The following ST3GAL4 variants were observed in gnomAD, a reference collection of about 807,000 sequenced individuals.
ST3GAL4 encodes the protein CMP-N-acetylneuraminate-beta-galactosamide-alpha-2,3-sialyltransferase 4.
ST3GAL4 carries 24 observed loss-of-function variants against 42.6 expected under a neutral mutation model. The observed-to-expected ratio is 0.56, with a 90% CI of 0.41 to 0.79. The LOEUF (loss-of-function observed/expected upper bound fraction) is 0.79, where lower values mean the gene tolerates loss of function less well. Ranked by LOEUF, ST3GAL4 falls within the 30% of genes least tolerant of loss-of-function variation. ST3GAL4 has a pLI of 0.00. For missense variants in ST3GAL4, 311 were observed against 430.8 expected, an observed-to-expected ratio of 0.72 and a Z score of 2.46; for synonymous variants, 135 against 163.2, an observed-to-expected ratio of 0.83 and a Z score of 1.32.
At position 126,384,056 on chromosome 11, in the gene ST3GAL4, G is replaced by C. The variant is rs1411410895; in HGVS notation, c.-60-22040G>C. 6.6e-6 allele frequency among the ~76,000 whole-genome samples: 1 copy of C among 152,152 alleles called. No homozygotes were observed. Among genetic ancestry groups the C allele is most frequent in the Non-Finnish European group, 1.5e-5 (1 of 68,018 alleles). ...CCAATGCAGGGCCCTCTCCTCTGGC[G>C]AGCCTGCCTTGATACTCCCCGGCTC... On this transcript the variant is annotated intron_variant, in intron 1 of 10. Coordinates refer to ENST00000444328, the MANE Select transcript of ST3GAL4 (RefSeq NM_001254757.2). This position sits in a 1 kb window ranked among gnomAD's most constrained non-coding sequence, Gnocchi z 5.5.
chr11:126,373,753 C>T lies in ST3GAL4; in HGVS notation c.-61+17911C>T, dbSNP rs1952736995. 1.3e-5 allele frequency among the ~76,000 whole-genome samples: 2 copies of T among 152,048 alleles called. No homozygotes were observed. The highest frequency in any genetic ancestry group is 2.9e-5 in the Non-Finnish European group (2 of 68,014). On this transcript the variant is annotated intron_variant, in intron 1 of 10. Transcript: ENST00000444328. The surrounding 1 kb of genome is among the most constrained non-coding windows in gnomAD (Gnocchi z 5.5). ...ATGTTTCCATCCTCCCATGCATGAC[C>T]CTGAGGCAGTTAGCTGGTCAGTTAC...
chr11:126,388,660 G>GTTTT (rs10599019), intron 1 of ST3GAL4, among the ~76,000 whole-genome samples: 11 of 79,286 alleles, frequency 1.4e-4, no homozygotes, highest in African/African-American at 5.4e-4. Flanking sequence ...TAGGTTTCTT[G>GTTTT]TTTTTTTTTT....
rs368259930 is a variant in ST3GAL4, at chr11:126,374,778, A to G, written c.-61+18936A>G. ...GGGCTGAGGAGGAGTTTTACAGATG[A>G]CCGGTCTGTTCTTGGCACTTGCAAT... On this transcript the variant is annotated intron_variant, in intron 1 of 10. Coordinates refer to ENST00000444328, the MANE Select transcript of ST3GAL4 (RefSeq NM_001254757.2). Among the ~76,000 whole-genome samples, 18 of 151,966 alleles carry G rather than the reference A, an allele frequency of 1.2e-4. No individual in the cohort carries two copies. The East Asian group carries it at 1.9e-3, about 16-fold the overall frequency.
chr11:126,408,751 C>T, intron 8 of ST3GAL4: 1 of 541,164 alleles, frequency 1.8e-6, no homozygotes, highest in East Asian at 3.0e-5. Flanking sequence ...CCAGGCGTGT[C>T]TGTGACAGGA....
intron 1 of ST3GAL4, among the ~76,000 whole-genome samples, chr11:126,381,112 C>G: frequency 6.6e-6 from 1 of 152,212 alleles, no homozygotes; most frequent in East Asian, 1.9e-4. Context: ...TAGCCCAGAG[C>G]TGGCCTCTGT....
intron 4 of ST3GAL4, 104 bp from the exon 5 acceptor site, chr11:126,407,148 G>C: frequency 1.4e-6 from 2 of 1,480,136 alleles, no homozygotes; most frequent in East Asian, 2.3e-5. Flanking sequence ...GTGAAGCCAG[G>C]GAGGGAAGAG....
In ST3GAL4 at chr11:126,386,746, G is replaced by T. The variant is rs940301298; in HGVS notation, c.-60-19350G>T. Among the ~76,000 whole-genome samples the T allele has an allele frequency of 6.6e-6, 1 of 152,172 alleles. No homozygotes were observed. Among genetic ancestry groups the T allele is most frequent in the Admixed American group, 6.5e-5 (1 of 15,282 alleles). ...GGGTGGCTCTGCCAGCTTCCCCTGG[G>T]GTGCTTCTGGCAACGCCCAGGTCTG... On this transcript the variant is annotated intron_variant, in intron 1 of 10. Coordinates refer to ENST00000444328, the MANE Select transcript of ST3GAL4 (RefSeq NM_001254757.2). The surrounding 1 kb of genome is among the most constrained non-coding windows in gnomAD (Gnocchi z 4.7).
chr11:126,412,395 A>T (rs1457969837), intron 9 of ST3GAL4, among the ~76,000 whole-genome samples: 1 of 152,216 alleles, frequency 6.6e-6, no homozygotes, highest in African/African-American at 2.4e-5. Context: ...TGGGCAGCTG[A>T]AATTGTGTGC....
intron 1 of ST3GAL4, among the ~76,000 whole-genome samples, chr11:126,360,307 C>T (rs1176658945): frequency 3.3e-5 from 5 of 152,160 alleles, no homozygotes; most frequent in Admixed American, 2.0e-4. Flanking sequence ...TCTGGGCAGG[C>T]GAGGAGGCAG....
chr11:126,414,104 T>C lies in ST3GAL4; in HGVS notation c.*57T>C. Reference sequence around the variant, plus strand: ...TACTCTGCTGTCTGGGTGACCCCCATGCGTGGCTGTGGGGGTGGCTGGTGC... The same window carrying C: ...TACTCTGCTGTCTGGGTGACCCCCACGCGTGGCTGTGGGGGTGGCTGGTGC... On this transcript the variant is annotated 3_prime_UTR_variant, in exon 11 of 11. Coordinates refer to ENST00000444328, the MANE Select transcript of ST3GAL4 (RefSeq NM_001254757.2). The C allele has an allele frequency of 6.4e-7, 1 of 1,550,618 alleles. No individual in the cohort carries two copies. The highest frequency in any genetic ancestry group is 8.9e-7 in the Non-Finnish European group (1 of 1,122,254).
In ST3GAL4 at chr11:126,392,852, G is replaced by A. The variant is rs1953568945; in HGVS notation, c.-60-13244G>A. On this transcript the variant is annotated intron_variant, in intron 1 of 10. Coordinates refer to ENST00000444328, the MANE Select transcript of ST3GAL4 (RefSeq NM_001254757.2). This position sits in a 1 kb window ranked among gnomAD's most constrained non-coding sequence, Gnocchi z 5.8. ...ACTGGGTGGTCTGAACCCCATGCAG[G>A]GAGGAAACTGTGGCTGGGAGGAGAG... Among the ~76,000 whole-genome samples the A allele has an allele frequency of 1.3e-5, 2 of 152,266 alleles. No homozygotes were observed. Among genetic ancestry groups the A allele is most frequent in the South Asian group, 4.1e-4 (2 of 4,828 alleles).
rs963152006 is a variant in ST3GAL4, at chr11:126,413,329, G to A, written c.772-176G>A. On this transcript the variant is annotated intron_variant, in intron 9 of 10. Transcript: ENST00000444328. ...ATTAAAATTTAATAAAATAAATTCAGTTCCTCAGCTGCACTGGCCCCATTT... is the reference window on the plus strand; with the variant it reads ...ATTAAAATTTAATAAAATAAATTCAATTCCTCAGCTGCACTGGCCCCATTT... 2.2e-5 allele frequency: 13 copies of A among 587,290 alleles called. No individual in the cohort carries two copies. The Admixed American group carries it at 4.3e-4, about 19-fold the overall frequency. The allele number at this position is 587,290 out of a possible 1,614,324, so 36.4% of individuals were successfully genotyped here.
Position 126,395,254 on chromosome 11 carries a change from A to G in ST3GAL4, c.-60-10842A>G, listed in dbSNP as rs112804490. Among the ~76,000 whole-genome samples the G allele has an allele frequency of 1.1e-4, 16 of 152,192 alleles. 1 individual carries two copies. The highest frequency in any genetic ancestry group is 3.9e-4 in the African/African-American group (16 of 41,512). ...GAGAGCCTGCTGGGTGCCGGGCACT[A>G]TTGTCAACATGGGTGATACAGCAGC... is the stretch of plus-strand genomic sequence containing the variant. On this transcript the variant is annotated intron_variant, in intron 1 of 10. Transcript: ENST00000444328.
intron 9 of ST3GAL4, among the ~76,000 whole-genome samples, chr11:126,412,147 G>A (rs1457822485): frequency 2.0e-5 from 3 of 152,140 alleles, no homozygotes; most frequent in Non-Finnish European, 4.4e-5. Context: ...AGAGTGCAAG[G>A]AAGAGGAGGA....
intron 1 of ST3GAL4, among the ~76,000 whole-genome samples, chr11:126,375,971 AATAC>A (rs1311476199): frequency 6.6e-6 from 1 of 151,262 alleles, no homozygotes; most frequent in Admixed American, 6.6e-5. Flanking sequence ...TTCGCCATGC[AATAC>A]ATCGTTAGTC....
rs562757310 is a variant in ST3GAL4 at position 126,409,512 on chromosome 11, G to A, written c.771+101G>A. ...AGCCCTGGAAGGATCCCATAACAGA[G>A]GCGGCGGTTTGCATTTTCCCTCCAG... On this transcript the variant is annotated intron_variant, in intron 9 of 10. Transcript: ENST00000444328. The surrounding 1 kb of genome is among the most constrained non-coding windows in gnomAD (Gnocchi z 4.9). 312 of 1,519,660 alleles carry A rather than the reference G, an allele frequency of 2.1e-4. 2 individuals carry two copies. The highest frequency in any genetic ancestry group is 1.3e-3 in the Middle Eastern group (7 of 5,380). 94.1% of individuals were successfully genotyped at this position (1,519,660 alleles called of 1,614,324 possible). A position where few individuals can be genotyped will look rare whatever the true frequency, so the allele number is the denominator to read the frequency against.
At chr11:126,367,392 A>G (rs1276213787) in intron 1 of ST3GAL4, among the ~76,000 whole-genome samples, 1 of 152,080 alleles carries the variant, frequency 6.6e-6, no homozygotes, top group African/African-American at 2.4e-5. Context: ...TCACGTATGG[A>G]CCAGGAGAGG....
At position 126,383,617 on chromosome 11, in the gene ST3GAL4, G is replaced by A. The variant is rs141634696; in HGVS notation, c.-60-22479G>A. On this transcript the variant is annotated intron_variant, in intron 1 of 10. Coordinates refer to ENST00000444328, the MANE Select transcript of ST3GAL4 (RefSeq NM_001254757.2). This position sits in a 1 kb window ranked among gnomAD's most constrained non-coding sequence, Gnocchi z 4.5. The stretch of plus-strand genomic sequence containing the variant: ...TGTGTGTGTGACCAAGCTTGCGGGC[G>A]CCTGAGTATGGACTAGTGTGTTTGT... Among the ~76,000 whole-genome samples the A allele has an allele frequency of 3.6e-4, 55 of 152,296 alleles. No homozygotes were observed. Among genetic ancestry groups the A allele is most frequent in the African/African-American group, 1.2e-3 (51 of 41,552 alleles).
chr11:126,388,784 T>C (rs918417900), intron 1 of ST3GAL4, among the ~76,000 whole-genome samples: 1 of 145,106 alleles, frequency 6.9e-6, no homozygotes, highest in Non-Finnish European at 1.5e-5. Flanking sequence ...TTTTTTTTTT[T>C]TTTTGAGACG....
Sources: allele counts gnomAD v4.1 joint callset (sites outside exome capture counted in the v4.1 genomes callset), GRCh38; gene constraint gnomAD v4.1.1; non-coding constraint Gnocchi (gnomAD v3.1); transcripts MANE v1.5; gene names NCBI Gene and HGNC (gene_info 2026-07-23, HGNC 2026-07-21).